Variants in WWC2 observed in about 807,000 individuals in gnomAD.
WWC2 encodes the protein WW and C2 domain containing 2, also known as protein WWC2.
A neutral mutation model predicts 138.5 loss-of-function variants in WWC2; 101 were observed. The observed-to-expected ratio is 0.73, with a 90% confidence interval of 0.62 to 0.86. WWC2 has a LOEUF of 0.86. Among genes scored for constraint, WWC2 ranks in the 40% least tolerant of loss-of-function variants. The pLI is 0.00. For synonymous variants in WWC2, 558 were observed against 538.4 expected (o/e 1.04, Z -0.50); for missense variants, 1,420 against 1,419.4 (o/e 1.00, Z -0.01).
chr4:183,145,233 A>G (rs1319220891), intron 1 of WWC2, among the ~76,000 whole-genome samples: 2 of 152,222 alleles, frequency 1.3e-5, no homozygotes, highest in Non-Finnish European at 2.9e-5. Flanking sequence ...GTCATTTGTA[A>G]CATTTAGAAT....
chr4:183,133,740 C>T (rs1733019003), intron 1 of WWC2, among the ~76,000 whole-genome samples: 1 of 152,154 alleles, frequency 6.6e-6, no homozygotes, highest in African/African-American at 2.4e-5. Context: ...CGTGATCTGC[C>T]CACCTTGGCC....
In WWC2 at chr4:183,319,896, C is replaced by G. The variant is rs769584109; in HGVS notation, c.*4167C>G. ...CCTCTTGAGATCTCTCTGACTCTCT[C>G]CAATTCTCAAACAGTCCAGGCCAAA... On this transcript the variant is annotated 3_prime_UTR_variant, in exon 23 of 23. Transcript: ENST00000403733. 2 of 1,613,938 alleles carry G rather than the reference C, an allele frequency of 1.2e-6. No homozygotes were observed. The highest frequency in any genetic ancestry group is 1.7e-6 in the Non-Finnish European group (2 of 1,179,862).
chr4:183,163,889 G>A (rs1000516693), intron 1 of WWC2, among the ~76,000 whole-genome samples: 4 of 152,064 alleles, frequency 2.6e-5, no homozygotes, highest in Non-Finnish European at 5.9e-5. Context: ...AAGGTGGCAA[G>A]ATTAATGGGA....
rs963654736 is a variant in WWC2 at position 183,293,361 on chromosome 4, C to T, written c.3384+3726C>T. On this transcript the variant is annotated intron_variant, in intron 21 of 22. Transcript: ENST00000403733. Reference sequence around the variant, plus strand: ...GGAAATATATTTATATAATTCATTACTTTAACAGATTAAGGAGAAAAATCA... The same window carrying T: ...GGAAATATATTTATATAATTCATTATTTTAACAGATTAAGGAGAAAAATCA... Among the ~76,000 whole-genome samples, 20 of 152,272 alleles carry T rather than the reference C, an allele frequency of 1.3e-4. No individual in the cohort carries two copies. In the South Asian group the frequency reaches 3.9e-3, roughly 30 times the overall value.
intron 1 of WWC2, among the ~76,000 whole-genome samples, chr4:183,104,386 AAAAAT>A (rs1209819204): frequency 6.6e-6 from 1 of 152,246 alleles, no homozygotes; most frequent in African/African-American, 2.4e-5. Context: ...TGGGCTTTCA[AAAAAT>A]AAACCCATAG....
At chr4:183,236,052 A>G (rs1736414201) in intron 4 of WWC2, among the ~76,000 whole-genome samples, 1 of 152,216 alleles carries the variant, frequency 6.6e-6, no homozygotes, top group African/African-American at 2.4e-5. Context: ...ATAGGGGTCT[A>G]GATTCATTCT....
chr4:183,313,418 G>A (rs2111125790), intron 22 of WWC2, among the ~76,000 whole-genome samples: 1 of 152,210 alleles, frequency 6.6e-6, no homozygotes, highest in African/African-American at 2.4e-5. Flanking sequence ...GTTCATGGGA[G>A]GTTTGTGGGG....
intron 21 of WWC2, among the ~76,000 whole-genome samples, chr4:183,295,547 G>A (rs953702661): frequency 6.6e-5 from 10 of 152,196 alleles, no homozygotes; most frequent in South Asian, 2.1e-4. Flanking sequence ...CCTTGGTGAC[G>A]CTGGGACCAA....
chr4:183,269,417 A>G (rs1343118157), intron 15 of WWC2: 12 of 614,476 alleles, frequency 2.0e-5, no homozygotes, highest in Non-Finnish European at 3.4e-5. Context: ...TTTTCACCAC[A>G]GAAGAACTTT....
In WWC2 at chr4:183,289,448, C is replaced by A; in HGVS notation, c.3197C>A (p.Ser1066Tyr). ...RTTQECPVRT[S>Y]LDLELDLQAS... ...ACACAGGAATGCCCAGTGCGGACAT[C>A]TCTAGACTTAGAACTGGACCTTCAG... The change falls in exon 21 of 23, where the codon TCT becomes TAT. Residue 1066 changes from serine to tyrosine, a missense_variant. Transcript: ENST00000403733. The A allele has an allele frequency of 6.2e-7, 1 of 1,612,998 alleles. No individual in the cohort carries two copies. The highest frequency in any genetic ancestry group is 8.5e-7 in the Non-Finnish European group (1 of 1,179,438).
At chr4:183,266,688 G>A (rs377225982) in intron 14 of WWC2, among the ~76,000 whole-genome samples, 91 of 152,248 alleles carry the variant, frequency 6.0e-4, no homozygotes, top group African/African-American at 2.0e-3. Flanking sequence ...TCCGGAATAT[G>A]CATGTCCACT....
intron 4 of WWC2, among the ~76,000 whole-genome samples, chr4:183,230,437 G>A (rs1408547237): frequency 6.6e-6 from 1 of 152,220 alleles, no homozygotes; most frequent in Non-Finnish European, 1.5e-5. Flanking sequence ...AGCACTTTGG[G>A]AGGCCAAAGT....
At chr4:183,234,653 C>G (rs1736359373) in intron 4 of WWC2, among the ~76,000 whole-genome samples, 1 of 151,924 alleles carries the variant, frequency 6.6e-6, no homozygotes. Context: ...GGTTACTTAC[C>G]TTTCCTCTTT....
chr4:183,193,284 G>A (rs939884795), intron 1 of WWC2, among the ~76,000 whole-genome samples: 1 of 152,102 alleles, frequency 6.6e-6, no homozygotes, highest in African/African-American at 2.4e-5. Flanking sequence ...TCTTTTTAAT[G>A]GGGTATCTGT....
intron 1 of WWC2, among the ~76,000 whole-genome samples, chr4:183,134,254 TTC>T (rs1420391636): frequency 6.6e-6 from 1 of 152,082 alleles, no homozygotes; most frequent in Non-Finnish European, 1.5e-5. Context: ...ATAGTTTGCA[TTC>T]TGTTTCATTA....
At chr4:183,244,024 AC>A (rs1177044133) in intron 5 of WWC2, among the ~76,000 whole-genome samples, 3 of 152,088 alleles carry the variant, frequency 2.0e-5, no homozygotes, top group African/African-American at 7.2e-5. Context: ...TTCAGATTAT[AC>A]CTTTCACATT....
At chr4:183,102,647 T>G (rs1030761137) in intron 1 of WWC2, among the ~76,000 whole-genome samples, 3 of 152,184 alleles carry the variant, frequency 2.0e-5, no homozygotes, top group Non-Finnish European at 4.4e-5. Flanking sequence ...GCAGAACCTT[T>G]TTGCCCAGTG....
In WWC2 at chr4:183,304,182, C is replaced by G. The variant is rs141664707; in HGVS notation, c.3385-8159C>G. On this transcript the variant is annotated intron_variant, in intron 21 of 22. Transcript: ENST00000403733. ...TGAGGTCATAGGGCAAACTACTGCC[C>G]CCAGAATTGGAGAGACAGGCAAGCA... Among the ~76,000 whole-genome samples, 318 of 152,016 alleles carry G rather than the reference C, an allele frequency of 2.1e-3. 1 individual carries two copies. Among genetic ancestry groups the G allele is most frequent in the Non-Finnish European group, 3.5e-3 (237 of 67,994 alleles).
At chr4:183,114,961 A>G (rs935223696) in intron 1 of WWC2, among the ~76,000 whole-genome samples, 4 of 152,146 alleles carry the variant, frequency 2.6e-5, no homozygotes, top group Admixed American at 6.6e-5. Flanking sequence ...AGCTGGGAAT[A>G]GAGGCGTGCA....
Sources: gnomAD v4.1 joint callset for allele counts (sites outside exome capture counted in the v4.1 genomes callset) on GRCh38, gnomAD v4.1.1 for gene constraint, MANE v1.5 for transcripts, NCBI Gene and HGNC (gene_info 2026-07-23, HGNC 2026-07-21) for gene names.